Variants in PDE4D observed in about 807,000 individuals in gnomAD.
PDE4D encodes phosphodiesterase 4D, also known as 3',5'-cyclic-AMP phosphodiesterase 4D.
PDE4D carries 24 observed loss-of-function variants against 87.4 expected under a neutral mutation model. The ratio of observed to expected loss-of-function variants is 0.27; its 90% CI spans 0.20 to 0.39. The LOEUF is 0.39. Ranked by LOEUF, PDE4D falls within the 10% of genes least tolerant of loss-of-function variation. The pLI is 1.00. For synonymous variants in PDE4D, 384 were observed against 383.2 expected, an observed-to-expected ratio of 1.00 and a Z score of -0.02; for missense variants, 714 against 1,041.0, an observed-to-expected ratio of 0.69 and a Z score of 4.32.
At chr5:59,899,485 T>A (rs1053953034) in intron 3 of PDE4D, among the ~76,000 whole-genome samples, 1 of 150,766 alleles carries the variant, frequency 6.6e-6, no homozygotes, top group African/African-American at 2.4e-5. Flanking sequence ...AAGTGGTAAA[T>A]ATATATATAT....
intron 1 of PDE4D, among the ~76,000 whole-genome samples, chr5:59,657,389 A>T (rs1247475847): frequency 3.9e-5 from 6 of 152,086 alleles, no homozygotes; most frequent in Non-Finnish European, 4.4e-5. Context: ...CAATAAGTAG[A>T]TTTTTTTCAT....
chr5:59,294,159 G>A lies in PDE4D; in HGVS notation c.456-78191C>T, dbSNP rs191402363. ...ATGTTGACCAGTGATCATAGTATGC[G>A]GACAGACCTACTTAGAAACTGTTTT... is the stretch of plus-strand genomic sequence containing the variant. On this transcript the variant is annotated intron_variant, in intron 1 of 14. Coordinates refer to ENST00000340635, the MANE Select transcript of PDE4D (RefSeq NM_001104631.2). Among the ~76,000 whole-genome samples the A allele has an allele frequency of 3.1e-3, 465 of 152,194 alleles. 3 individuals carry two copies. Among genetic ancestry groups the A allele is most frequent in the African/African-American group, 0.011 (449 of 41,532 alleles).
chr5:59,128,826 A>G (rs1392452618), intron 5 of PDE4D, among the ~76,000 whole-genome samples: 5 of 152,258 alleles, frequency 3.3e-5, no homozygotes, highest in Admixed American at 3.3e-4. Context: ...ACATAATTCC[A>G]TCTAGAACTA....
intron 1 of PDE4D, among the ~76,000 whole-genome samples, chr5:60,399,881 C>T (rs1209883764): frequency 6.6e-6 from 1 of 152,246 alleles, no homozygotes; most frequent in African/African-American, 2.4e-5. Flanking sequence ...CACCAGATAA[C>T]CTGGTATCTC....
intron 5 of PDE4D, among the ~76,000 whole-genome samples, chr5:59,136,794 G>C (rs1335696335): frequency 6.6e-6 from 1 of 152,208 alleles, no homozygotes; most frequent in African/African-American, 2.4e-5. Flanking sequence ...AGCTCTCTCT[G>C]AGAAATGTGC....
At chr5:59,435,310 A>C (rs1796646665) in intron 1 of PDE4D, among the ~76,000 whole-genome samples, 1 of 152,082 alleles carries the variant, frequency 6.6e-6, no homozygotes, top group Non-Finnish European at 1.5e-5. Flanking sequence ...TGAAGTTCAA[A>C]ATTTAAATTC....
intron 2 of PDE4D, among the ~76,000 whole-genome samples, chr5:59,994,291 ATGTG>A (rs202112500): frequency 6.6e-6 from 1 of 150,616 alleles, no homozygotes. Flanking sequence ...TCCCCTTAAG[ATGTG>A]TGTGTGTGTG....
chr5:59,054,154 C>A (rs1580544249), intron 5 of PDE4D, among the ~76,000 whole-genome samples: 1 of 152,098 alleles, frequency 6.6e-6, no homozygotes, highest in Non-Finnish European at 1.5e-5. Context: ...CTTTCTTCAT[C>A]ACCTTCAAGG....
chr5:59,466,772 T>C (rs1801641402), intron 1 of PDE4D, among the ~76,000 whole-genome samples: 1 of 152,178 alleles, frequency 6.6e-6, no homozygotes, highest in Non-Finnish European at 1.5e-5. Flanking sequence ...TCCTTATCCT[T>C]GATGAACTTG....
chr5:60,193,591 A>AC (rs779821716), intron 1 of PDE4D, among the ~76,000 whole-genome samples: 2 of 133,874 alleles, frequency 1.5e-5, no homozygotes, highest in African/African-American at 2.9e-5. Context: ...AATGGCGTGA[A>AC]CCCCCAGGGG....
chr5:59,729,562 A>G (rs187820808), intron 1 of PDE4D, among the ~76,000 whole-genome samples: 21 of 152,202 alleles, frequency 1.4e-4, no homozygotes, highest in African/African-American at 5.1e-4. Context: ...TAAAATTGCA[A>G]ATTCCAGAAA....
intron 1 of PDE4D, among the ~76,000 whole-genome samples, chr5:59,757,788 T>C (rs1761461303): frequency 6.6e-6 from 1 of 152,226 alleles, no homozygotes; most frequent in African/African-American, 2.4e-5. Context: ...ATTCTCTGGC[T>C]GGCTTTGTTT....
At chr5:59,813,890 T>C (rs983047201) in intron 1 of PDE4D, among the ~76,000 whole-genome samples, 16 of 152,108 alleles carry the variant, frequency 1.1e-4, no homozygotes, top group Admixed American at 3.9e-4. Context: ...TTAATGTATC[T>C]AAGGCACAGC....
chr5:59,764,584 A>C (rs981095664), intron 1 of PDE4D, among the ~76,000 whole-genome samples: 1 of 151,908 alleles, frequency 6.6e-6, no homozygotes, highest in African/African-American at 2.4e-5. Flanking sequence ...TCTAGATAAA[A>C]ACTACCTGGT....
intron 1 of PDE4D, among the ~76,000 whole-genome samples, chr5:60,328,702 G>A (rs1583436600): frequency 6.6e-6 from 1 of 152,292 alleles, no homozygotes; most frequent in Middle Eastern, 3.4e-3. Flanking sequence ...TAGTACATAG[G>A]TAAGCATATG....
At chr5:59,381,683 A>G (rs1370104389) in intron 1 of PDE4D, among the ~76,000 whole-genome samples, 2 of 152,102 alleles carry the variant, frequency 1.3e-5, no homozygotes, top group Admixed American at 1.3e-4. Flanking sequence ...CGTCTTTCTA[A>G]GTCCCTCTAA....
At chr5:59,412,939 G>T (rs183306261) in intron 1 of PDE4D, among the ~76,000 whole-genome samples, 56 of 152,222 alleles carry the variant, frequency 3.7e-4, no homozygotes, top group African/African-American at 1.3e-3. Context: ...TGGCATTGCT[G>T]GTACTATATT....
At chr5:59,739,901 A>G (rs1328761681) in intron 1 of PDE4D, among the ~76,000 whole-genome samples, 1 of 152,228 alleles carries the variant, frequency 6.6e-6, no homozygotes, top group African/African-American at 2.4e-5. Context: ...ATAGGATGGT[A>G]TGAAATAACA....
At chr5:60,503,848 A>T (rs1750206876) in intron 1 of PDE4D, among the ~76,000 whole-genome samples, 1 of 152,182 alleles carries the variant, frequency 6.6e-6, no homozygotes, top group Admixed American at 6.6e-5. Flanking sequence ...CTGCAAACAC[A>T]ATCAGGGTAT....
Sources: gnomAD v4.1 joint callset for allele counts (sites outside exome capture counted in the v4.1 genomes callset) on GRCh38, gnomAD v4.1.1 for gene constraint, MANE v1.5 for transcripts, NCBI Gene and HGNC (gene_info 2026-07-23, HGNC 2026-07-21) for gene names.